Variants in LAMA2 observed in about 807,000 individuals in gnomAD.
LAMA2 encodes laminin subunit alpha 2, also known as laminin subunit alpha-2.
In LAMA2, 269 loss-of-function variants were observed where a neutral mutation model predicts 364.8. That is an observed-to-expected ratio of 0.74 (90% CI 0.67 to 0.82). LAMA2 has a LOEUF of 0.82. Among genes scored for constraint, LAMA2 ranks in the 40% least tolerant of loss-of-function variants. The pLI is 0.00. For synonymous variants in LAMA2, 1,379 were observed against 1,370.6 expected, an observed-to-expected ratio of 1.01 and a Z score of -0.14; for missense variants, 3,807 against 3,873.2, an observed-to-expected ratio of 0.98 and a Z score of 0.45.
At chr6:129,120,811 A>G (rs772386417) in intron 4 of LAMA2, among the ~76,000 whole-genome samples, 3 of 151,650 alleles carry the variant, frequency 2.0e-5, no homozygotes, top group Non-Finnish European at 4.4e-5. Context: ...TTGCTCTGAC[A>G]TGGAACAAAG....
intron 28 of LAMA2, among the ~76,000 whole-genome samples, chr6:129,325,917 G>A (rs1032330722): frequency 5.9e-5 from 9 of 152,224 alleles, no homozygotes; most frequent in East Asian, 3.9e-4. Flanking sequence ...TCAGCTTACT[G>A]CAACCTCCAC....
chr6:129,051,677 G>GATATCT (rs928490590), intron 2 of LAMA2, among the ~76,000 whole-genome samples: 2 of 37,946 alleles, frequency 5.3e-5, no homozygotes, highest in African/African-American at 2.2e-4. Flanking sequence ...TCGATCTATA[G>GATATCT]ATATCTATAT....
intron 1 of LAMA2, among the ~76,000 whole-genome samples, chr6:129,006,794 A>G (rs1784465995): frequency 6.6e-6 from 1 of 152,134 alleles, no homozygotes; most frequent in Non-Finnish European, 1.5e-5. Flanking sequence ...CTCCATCACC[A>G]GTCCAACTTG....
At chr6:129,441,042 T>C in intron 43 of LAMA2, 44 bp downstream of exon 43, 1 of 1,541,258 alleles carries the variant, frequency 6.5e-7, no homozygotes, top group Non-Finnish European at 9.0e-7. Flanking sequence ...TTATTTCCTC[T>C]CACTGTAAAA....
At chr6:129,323,759 G>C (rs1440380795) in intron 28 of LAMA2, among the ~76,000 whole-genome samples, 1 of 152,126 alleles carries the variant, frequency 6.6e-6, no homozygotes, top group Non-Finnish European at 1.5e-5. Context: ...AAAATATTCA[G>C]CCTTGCGTGT....
chr6:129,255,748 A>G (rs1786616432), intron 14 of LAMA2, among the ~76,000 whole-genome samples: 1 of 152,184 alleles, frequency 6.6e-6, no homozygotes, highest in Non-Finnish European at 1.5e-5. Flanking sequence ...TTTGTAAACA[A>G]AGGAGTCTTT....
rs2229850 is a variant in LAMA2 at position 129,486,569 on chromosome 6, G to A, written c.7845G>A (p.Pro2615=). ...TMRKIVIRPE[P]NLFHDGREHS... ...GGAAAATTGTGATCAGACCAGAGCC[G>A]AATCTGTTTCATGATGGAAGAGAAC... The change falls in exon 56 of 65, where the codon CCG becomes CCA. Residue 2615 remains proline (P), a synonymous_variant. Transcript: ENST00000421865. 0.28 allele frequency: 453,318 copies of A among 1,613,270 alleles called. 67,611 individuals carry two copies. The highest frequency in any genetic ancestry group is 0.54 in the African/African-American group (40,717 of 74,936).
rs573779258 is a variant in LAMA2 at position 129,402,449 on chromosome 6, C to T, written c.5688C>T (p.His1896=). ...LAEKVSQAES[H]AAQLNDSSAV... ...AGAAGGTGTCCCAGGCTGAGAGCCACGCAGCTCAGTTGAATGACTCATCTG... is the reference window on the plus strand; with the variant it reads ...AGAAGGTGTCCCAGGCTGAGAGCCATGCAGCTCAGTTGAATGACTCATCTG... The change falls in exon 39 of 65, where the codon CAC becomes CAT. Residue 1896 remains histidine (H), a synonymous_variant. Coordinates refer to ENST00000421865, the MANE Select transcript of LAMA2 (RefSeq NM_000426.4). 705 of 1,614,054 alleles carry T rather than the reference C, an allele frequency of 4.4e-4. 14 individuals carry two copies. The South Asian group carries it at 7.0e-3, about 16-fold the overall frequency.
intron 10 of LAMA2, among the ~76,000 whole-genome samples, chr6:129,189,647 A>G (rs1781418350): frequency 6.6e-6 from 1 of 152,092 alleles, no homozygotes; most frequent in Admixed American, 6.6e-5. Context: ...TTTCTACTTT[A>G]TCTGATCTTT....
intron 27 of LAMA2, 53 bp downstream of exon 27, chr6:129,316,224 G>T (rs924194586): frequency 1.5e-6 from 2 of 1,373,410 alleles, no homozygotes; most frequent in Admixed American, 3.4e-5. Context: ...TGTAAGGAAG[G>T]TTATTGACCT....
intron 12 of LAMA2, among the ~76,000 whole-genome samples, chr6:129,211,323 G>A (rs886205726): frequency 3.3e-5 from 5 of 152,156 alleles, no homozygotes; most frequent in Non-Finnish European, 7.3e-5. Flanking sequence ...ACACTGAACA[G>A]CCAGTGTTCA....
chr6:129,468,365 T>A (rs191039689), intron 51 of LAMA2, among the ~76,000 whole-genome samples: 3 of 152,006 alleles, frequency 2.0e-5, no homozygotes, highest in Admixed American at 6.6e-5. Context: ...ACAGGTGAAA[T>A]TTTTTATTAT....
chr6:129,478,019 C>G (rs1307720279), intron 53 of LAMA2, among the ~76,000 whole-genome samples: 1 of 152,112 alleles, frequency 6.6e-6, no homozygotes, highest in Non-Finnish European at 1.5e-5. Context: ...GTCTTGAACT[C>G]GTGGCCTCAA....
At chr6:129,167,636 C>T (rs1365760679) in intron 9 of LAMA2, among the ~76,000 whole-genome samples, 2 of 152,112 alleles carry the variant, frequency 1.3e-5, no homozygotes, top group Non-Finnish European at 2.9e-5. Flanking sequence ...GTGCATGTGT[C>T]TTCATAGCAG....
chr6:129,394,297 C>G (rs1264301911), intron 37 of LAMA2, among the ~76,000 whole-genome samples: 1 of 152,202 alleles, frequency 6.6e-6, no homozygotes, highest in Non-Finnish European at 1.5e-5. Flanking sequence ...ACTCAGCACC[C>G]TCTGGCATAT....
intron 4 of LAMA2, among the ~76,000 whole-genome samples, chr6:129,130,906 G>A (rs1777433863): frequency 6.6e-6 from 1 of 152,178 alleles, no homozygotes; most frequent in South Asian, 2.1e-4. Flanking sequence ...ATCTCTCATT[G>A]TGAGCCAGTT....
chr6:129,431,533 A>G (rs1332510659), intron 41 of LAMA2, among the ~76,000 whole-genome samples: 3 of 152,162 alleles, frequency 2.0e-5, no homozygotes, highest in African/African-American at 7.2e-5. Flanking sequence ...AGCCTGTGGT[A>G]TATAATTACA....
At chr6:129,222,820 T>C (rs1229488579) in intron 12 of LAMA2, among the ~76,000 whole-genome samples, 1 of 152,176 alleles carries the variant, frequency 6.6e-6, no homozygotes, top group East Asian at 1.9e-4. Context: ...CATGTGTCTT[T>C]ATAGCAGCAT....
intron 14 of LAMA2, among the ~76,000 whole-genome samples, chr6:129,256,993 T>C (rs781407740): frequency 7.9e-5 from 12 of 151,592 alleles, no homozygotes; most frequent in Non-Finnish European, 1.6e-4. Flanking sequence ...ATATTATTCA[T>C]AGTGGCTTGT....
Sources: gnomAD v4.1 joint callset for allele counts (sites outside exome capture counted in the v4.1 genomes callset) on GRCh38, gnomAD v4.1.1 for gene constraint, MANE v1.5 for transcripts, NCBI Gene and HGNC (gene_info 2026-07-23, HGNC 2026-07-21) for gene names.